The following CAB39L variants were observed in gnomAD, a reference collection of about 807,000 sequenced individuals.
The protein encoded by CAB39L is calcium-binding protein 39-like.
In CAB39L, 23 loss-of-function variants were observed where a neutral mutation model predicts 39.1. That is an observed-to-expected ratio of 0.59 (90% CI 0.42 to 0.83). The LOEUF (loss-of-function observed/expected upper bound fraction) is 0.83, where lower values mean the gene tolerates loss of function less well. Ranked by LOEUF, CAB39L falls within the 40% of genes least tolerant of loss-of-function variation. The pLI is 0.00. For synonymous variants in CAB39L, 126 were observed against 137.2 expected (o/e 0.92, Z 0.57); for missense variants, 366 against 391.9 (o/e 0.93, Z 0.56).
At chr13:49,376,001 C>A (rs1193062490) in intron 5 of CAB39L, among the ~76,000 whole-genome samples, 1 of 152,194 alleles carries the variant, frequency 6.6e-6, no homozygotes, top group Non-Finnish European at 1.5e-5. Flanking sequence ...ACTCCTCCTC[C>A]TCTGCTTCGG....
At chr13:49,402,016 A>G (rs1956782924) in intron 3 of CAB39L, among the ~76,000 whole-genome samples, 1 of 152,210 alleles carries the variant, frequency 6.6e-6, no homozygotes, top group African/African-American at 2.4e-5. Context: ...GTATATTTTG[A>G]AACTTGGACC....
In CAB39L at chr13:49,441,484, T is replaced by C. The variant is rs149244404; in HGVS notation, c.-246+2502A>G. ...CTTGAGGCTGAGGAGGGAGGTTCAC[T>C]TGAGCCTGGGGGGTCAAGGCTGCAG... is the stretch of plus-strand genomic sequence containing the variant. On this transcript the variant is annotated intron_variant, in intron 1 of 10. Transcript: ENST00000409308. Among the ~76,000 whole-genome samples the C allele has an allele frequency of 4.5e-3, 684 of 151,930 alleles. 3 individuals are homozygous for C. The highest frequency in any genetic ancestry group is 6.9e-3 in the Admixed American group (105 of 15,230).
At chr13:49,430,472 C>G (rs1957304596) in intron 3 of CAB39L, among the ~76,000 whole-genome samples, 1 of 152,136 alleles carries the variant, frequency 6.6e-6, no homozygotes, top group African/African-American at 2.4e-5. Context: ...TCAGAAGGGG[C>G]ACTGGTCAGC....
At position 49,379,706 on chromosome 13, in the gene CAB39L, TAAAAAAAA is replaced by T. The variant is rs1382569023; in HGVS notation, c.112-2583_112-2576del. Among the ~76,000 whole-genome samples the T allele has an allele frequency of 1.7e-4, 5 of 28,806 alleles. 1 individual carries two copies. The highest frequency in any genetic ancestry group is 3.3e-4 in the African/African-American group (1 of 3,048). The allele number at this position is 28,806 out of a possible 152,430, so 18.9% of individuals were successfully genotyped here. On this transcript the variant is annotated intron_variant, in intron 4 of 10. Transcript: ENST00000409308. The stretch of plus-strand genomic sequence containing the variant: ...AGAATTATCAATAAAAAAATAAATT[TAAAAAAAA>T]AAAAAAACAAAAAAACAAAAACAGT...
chr13:49,419,061 A>C (rs934751405), intron 3 of CAB39L, among the ~76,000 whole-genome samples: 1 of 152,062 alleles, frequency 6.6e-6, no homozygotes, highest in African/African-American at 2.4e-5. Flanking sequence ...TCTCCCTCCC[A>C]GGTTCAAGTG....
At chr13:49,397,238 A>C (rs1956659861) in intron 3 of CAB39L, among the ~76,000 whole-genome samples, 1 of 152,214 alleles carries the variant, frequency 6.6e-6, no homozygotes, top group Non-Finnish European at 1.5e-5. Context: ...GTGAAACAAT[A>C]AAGTATAAAT....
At chr13:49,334,696 G>T (rs1233277829) in intron 9 of CAB39L, among the ~76,000 whole-genome samples, 2 of 152,206 alleles carry the variant, frequency 1.3e-5, no homozygotes, top group African/African-American at 2.4e-5. Context: ...CATGGGTATT[G>T]TTGGGGAAAT....
At chr13:49,350,292 C>T (rs1955307179) in intron 7 of CAB39L, among the ~76,000 whole-genome samples, 1 of 152,054 alleles carries the variant, frequency 6.6e-6, no homozygotes, top group Non-Finnish European at 1.5e-5. Context: ...ACATGATGTC[C>T]TTCATATTCA....
chr13:49,334,682 T>C (rs1347490608), intron 9 of CAB39L, among the ~76,000 whole-genome samples: 5 of 152,246 alleles, frequency 3.3e-5, no homozygotes, highest in Non-Finnish European at 5.9e-5. Flanking sequence ...AACTGTGTGA[T>C]GTGCATGGGT....
intron 1 of CAB39L, among the ~76,000 whole-genome samples, chr13:49,441,616 G>C (rs554085185): frequency 1.3e-5 from 2 of 152,086 alleles, no homozygotes; most frequent in Non-Finnish European, 2.9e-5. Flanking sequence ...GGACATGCTG[G>C]AGTTTAAAAA....
At chr13:49,370,023 CTTCTCTA>C (rs1323681978) in intron 5 of CAB39L, among the ~76,000 whole-genome samples, 1 of 152,040 alleles carries the variant, frequency 6.6e-6, no homozygotes, top group Non-Finnish European at 1.5e-5. Flanking sequence ...AAGTCAGGGA[CTTCTCTA>C]TTCTTGCTGG....
At position 49,335,354 on chromosome 13, in the gene CAB39L, A is replaced by G. The variant is rs546131684; in HGVS notation, c.691-3264T>C. ...ATTTTTATTACCTGGGGATACCTAC[A>G]TATAAATTCTATCCAATCTATCCTC... On this transcript the variant is annotated intron_variant, in intron 9 of 10. Transcript: ENST00000409308. Among the ~76,000 whole-genome samples, 6 of 152,324 alleles carry G rather than the reference A, an allele frequency of 3.9e-5. No individual in the cohort carries two copies. In the South Asian group the frequency reaches 1.0e-3, roughly 26 times the overall value.
chr13:49,443,263 G>C (rs1358060645), intron 1 of CAB39L, among the ~76,000 whole-genome samples: 2 of 151,874 alleles, frequency 1.3e-5, no homozygotes, highest in Non-Finnish European at 2.9e-5. Context: ...ATCGTTATCG[G>C]GGAAATCAAG....
intron 5 of CAB39L, among the ~76,000 whole-genome samples, chr13:49,370,125 C>CG (rs564938437): frequency 0.014 from 2,176 of 151,816 alleles, 27 homozygotes; most frequent in Non-Finnish European, 0.021. Context: ...AACAGTCTAC[C>CG]GGGTGAGGGG....
intron 9 of CAB39L, among the ~76,000 whole-genome samples, chr13:49,337,616 C>G (rs1388729987): frequency 6.6e-6 from 1 of 152,104 alleles, no homozygotes; most frequent in Non-Finnish European, 1.5e-5. Context: ...TTTCACACAA[C>G]ACACACATAC....
At chr13:49,343,783 T>C (rs1955069197) in intron 8 of CAB39L, among the ~76,000 whole-genome samples, 2 of 151,904 alleles carry the variant, frequency 1.3e-5, no homozygotes, top group Non-Finnish European at 1.5e-5. Flanking sequence ...GGGAAGGGAG[T>C]TGCAAGATAA....
At chr13:49,400,578 C>T (rs192472723) in intron 3 of CAB39L, among the ~76,000 whole-genome samples, 1 of 152,066 alleles carries the variant, frequency 6.6e-6, no homozygotes, top group Admixed American at 6.6e-5. Context: ...CTTAGAAACC[C>T]AAATGCATTC....
intron 3 of CAB39L, among the ~76,000 whole-genome samples, chr13:49,408,808 G>A (rs1956933715): frequency 6.6e-6 from 1 of 151,982 alleles, no homozygotes; most frequent in South Asian, 2.1e-4. Flanking sequence ...TCCAGCCTGG[G>A]CAACAGAGTG....
At chr13:49,408,216 T>C (rs915386079) in intron 3 of CAB39L, among the ~76,000 whole-genome samples, 1 of 152,122 alleles carries the variant, frequency 6.6e-6, no homozygotes, top group Non-Finnish European at 1.5e-5. Flanking sequence ...TGGATAGTAA[T>C]TGAGAGACGA....
Sources: gnomAD v4.1 joint callset for allele counts (sites outside exome capture counted in the v4.1 genomes callset) on GRCh38, gnomAD v4.1.1 for gene constraint, MANE v1.5 for transcripts, NCBI Gene and HGNC (gene_info 2026-07-23, HGNC 2026-07-21) for gene names.